The following MORC3 variants were observed in gnomAD, a reference collection of about 807,000 sequenced individuals.
The protein encoded by MORC3 is MORC family CW-type zinc finger protein 3.
In MORC3, 31 loss-of-function variants were observed where a neutral mutation model predicts 109.1. The observed-to-expected ratio is 0.28, with a 90% CI of 0.21 to 0.38. The LOEUF is 0.38. Ranked by LOEUF, MORC3 falls within the 10% of genes least tolerant of loss-of-function variation. The pLI is 1.00. For synonymous variants in MORC3, 395 were observed against 380.7 expected (o/e 1.04, Z -0.44); for missense variants, 867 against 1,135.8 (o/e 0.76, Z 3.40).
intron 5 of MORC3, 70 bp from the exon 6 acceptor site, chr21:36,341,329 C>T: frequency 6.4e-6 from 9 of 1,415,982 alleles, no homozygotes; most frequent in Non-Finnish European, 8.7e-6. Context: ...TTTTTAATGA[C>T]TTACAGTGTT....
intron 5 of MORC3, 196 bp downstream of exon 5, chr21:36,339,117 G>C: frequency 1.7e-6 from 1 of 587,422 alleles, no homozygotes; most frequent in Non-Finnish European, 2.6e-6. Flanking sequence ...TTTTCATCTT[G>C]TTAAAAAAAA....
At chr21:36,335,987 G>A (rs975754831) in intron 2 of MORC3, among the ~76,000 whole-genome samples, 5 of 151,336 alleles carry the variant, frequency 3.3e-5, no homozygotes, top group African/African-American at 7.3e-5. Context: ...GTGCAATGGC[G>A]CTATCTCAGC....
At chr21:36,360,769 C>T (rs1022740277) in intron 12 of MORC3, 8 of 159,830 alleles carry the variant, frequency 5.0e-5, no homozygotes, top group Admixed American at 4.2e-4. Flanking sequence ...AGGGAATAAA[C>T]ATTTACTCAG....
chr21:36,351,537 T>C (rs931115583), intron 9 of MORC3, among the ~76,000 whole-genome samples: 5 of 152,218 alleles, frequency 3.3e-5, no homozygotes, highest in Non-Finnish European at 7.3e-5. Flanking sequence ...ATATTTGTCT[T>C]TCTATACCTG....
intron 13 of MORC3, among the ~76,000 whole-genome samples, chr21:36,363,438 A>G (rs2085742859): frequency 6.6e-6 from 1 of 152,136 alleles, no homozygotes; most frequent in South Asian, 2.1e-4. Context: ...CAAACAAAAT[A>G]TTGTTATCAA....
chr21:36,348,569 G>A (rs1175099733), intron 8 of MORC3, among the ~76,000 whole-genome samples: 3 of 152,060 alleles, frequency 2.0e-5, no homozygotes, highest in East Asian at 3.9e-4. Flanking sequence ...CACCACACCC[G>A]GCTAATTTTT....
In MORC3 at chr21:36,336,848, A is replaced by G. The variant is rs374074258; in HGVS notation, c.113-26A>G. ...TGCTCTTTTTAAAGTGTAAAATCAGAATTTCTTCAAACTTGTGTTTCCCAG... is the reference window on the plus strand; with the variant it reads ...TGCTCTTTTTAAAGTGTAAAATCAGGATTTCTTCAAACTTGTGTTTCCCAG... On this transcript the variant is annotated intron_variant, in intron 2 of 16. Coordinates refer to ENST00000400485, the MANE Select transcript of MORC3 (RefSeq NM_015358.3). 34 of 1,581,530 alleles carry G rather than the reference A, an allele frequency of 2.1e-5. No homozygotes were observed. In the African/African-American group the frequency reaches 4.5e-4, roughly 21 times the overall value.
chr21:36,355,003 C>T (rs2085629267), intron 9 of MORC3, among the ~76,000 whole-genome samples: 1 of 152,154 alleles, frequency 6.6e-6, no homozygotes, highest in Admixed American at 6.6e-5. Flanking sequence ...TGAAGTCATG[C>T]ACAACATGTG....
At chr21:36,361,517 G>T (rs1371169623) in intron 12 of MORC3, among the ~76,000 whole-genome samples, 2 of 120,866 alleles carry the variant, frequency 1.7e-5, no homozygotes, top group African/African-American at 6.3e-5. Flanking sequence ...TTCCAGCCTG[G>T]GCGACAGAGT....
intron 1 of MORC3, among the ~76,000 whole-genome samples, chr21:36,323,410 A>G (rs1485470816): frequency 6.6e-6 from 1 of 152,170 alleles, no homozygotes; most frequent in African/African-American, 2.4e-5. Context: ...TAAAAATTAC[A>G]TGAGCAGATA....
At chr21:36,355,772 A>G (rs751165511) in intron 9 of MORC3, among the ~76,000 whole-genome samples, 4 of 149,970 alleles carry the variant, frequency 2.7e-5, no homozygotes, top group Non-Finnish European at 5.9e-5. Context: ...AAAAAGCAAT[A>G]CCCTGTCTCT....
At chr21:36,329,630 T>G (rs1413555161) in intron 1 of MORC3, among the ~76,000 whole-genome samples, 1 of 152,190 alleles carries the variant, frequency 6.6e-6, no homozygotes, top group East Asian at 1.9e-4. Flanking sequence ...CAGGGCACTC[T>G]TAACATTTAA....
chr21:36,323,325 A>G (rs1236700460), intron 1 of MORC3, among the ~76,000 whole-genome samples: 1 of 152,204 alleles, frequency 6.6e-6, no homozygotes, highest in African/African-American at 2.4e-5. Flanking sequence ...TGGCCAAGTC[A>G]TTTAACCTCT....
intron 1 of MORC3, among the ~76,000 whole-genome samples, chr21:36,332,888 T>G (rs1246056404): frequency 6.6e-6 from 1 of 151,254 alleles, no homozygotes; most frequent in Non-Finnish European, 1.5e-5. Context: ...CCTAGGTTCA[T>G]GCCATTCTCC....
At chr21:36,344,151 G>A (rs1366953242) in intron 6 of MORC3, among the ~76,000 whole-genome samples, 1 of 151,664 alleles carries the variant, frequency 6.6e-6, no homozygotes, top group African/African-American at 2.4e-5. Flanking sequence ...TTGAGGTGGG[G>A]GGGTCTCCCT....
chr21:36,340,851 G>A (rs1569094831), intron 5 of MORC3, among the ~76,000 whole-genome samples: 1 of 152,028 alleles, frequency 6.6e-6, no homozygotes, highest in African/African-American at 2.4e-5. Context: ...TGACCAGGCT[G>A]GTCTTGAACT....
intron 9 of MORC3, among the ~76,000 whole-genome samples, chr21:36,353,884 C>T (rs868479545): frequency 6.8e-6 from 1 of 146,456 alleles, no homozygotes; most frequent in African/African-American, 2.5e-5. Flanking sequence ...AGGTGTGAGC[C>T]ACCACTCCTG....
At chr21:36,362,844 C>T (rs2085736021) in intron 13 of MORC3, among the ~76,000 whole-genome samples, 1 of 152,080 alleles carries the variant, frequency 6.6e-6, no homozygotes, top group Admixed American at 6.6e-5. Context: ...CAACATCATT[C>T]AAACTGTTAG....
chr21:36,344,884 T>G lies in MORC3; in HGVS notation c.886-28T>G, dbSNP rs141167584. Reference sequence around the variant, plus strand: ...ATGATTTGAACTGAGTGAGGTGTTGTGTTCAAAATTTACCTTAATATTTTA... The same window carrying G: ...ATGATTTGAACTGAGTGAGGTGTTGGGTTCAAAATTTACCTTAATATTTTA... On this transcript the variant is annotated intron_variant, in intron 7 of 16. Coordinates refer to ENST00000400485, the MANE Select transcript of MORC3 (RefSeq NM_015358.3). The G allele has an allele frequency of 1.1e-4, 174 of 1,609,690 alleles. 1 individual carries two copies. In the East Asian group the frequency reaches 3.9e-3, roughly 36 times the overall value.
Sources: allele counts gnomAD v4.1 joint callset (sites outside exome capture counted in the v4.1 genomes callset), GRCh38; gene constraint gnomAD v4.1.1; transcripts MANE v1.5; gene names NCBI Gene and HGNC (gene_info 2026-07-23, HGNC 2026-07-21).